The following SP140 variants were observed in gnomAD, a reference collection of about 807,000 sequenced individuals.
SP140 encodes the protein nuclear body protein SP140.
A neutral mutation model predicts 125.0 loss-of-function variants in SP140; 81 were observed. That is an observed-to-expected ratio of 0.65 (90% CI 0.54 to 0.78). The LOEUF (loss-of-function observed/expected upper bound fraction) is 0.78. Ranked by LOEUF, SP140 falls within the 30% of genes least tolerant of loss-of-function variation. The pLI, the probability that SP140 is intolerant of heterozygous loss-of-function variation, is 0.00. For synonymous variants in SP140, 312 were observed against 354.0 expected (o/e 0.88, Z 1.33); for missense variants, 858 against 1,037.0 (o/e 0.83, Z 2.37).
At position 230,312,776 on chromosome 2, in the gene SP140, A is replaced by C. The variant is rs566352416; in HGVS notation, c.*92A>C. 2.2e-5 allele frequency: 20 copies of C among 891,340 alleles called. No individual in the cohort carries two copies. The East Asian group carries it at 5.1e-4, about 23-fold the overall frequency. The allele number at this position is 891,340 out of a possible 1,614,324, so 55.2% of individuals were successfully genotyped here. ...GACTTCAAAATGAGGTCACTTGGGC[A>C]CAGCACATGCAGGGAGGGGCTTTTC... On this transcript the variant is annotated 3_prime_UTR_variant, in exon 27 of 27. Coordinates refer to ENST00000392045, the MANE Select transcript of SP140 (RefSeq NM_007237.5).
the SP140 span, among the ~76,000 whole-genome samples, chr2:230,194,568 T>C: frequency 3.3e-5 from 5 of 152,316 alleles, no homozygotes; most frequent in South Asian, 1.0e-3. Context: ...GCAGCTTTTT[T>C]GTTTCTTATT....
intron 1 of SP140, among the ~76,000 whole-genome samples, chr2:230,234,261 AC>A (rs371434915): frequency 1.3e-5 from 2 of 152,274 alleles, no homozygotes; most frequent in East Asian, 3.9e-4. Context: ...AGGAGCAGCC[AC>A]CCCATCTGAA....
upstream of SP140, among the ~76,000 whole-genome samples, chr2:230,199,150 T>TATTA (rs1168283866): frequency 2.0e-5 from 2 of 98,670 alleles, no homozygotes; most frequent in African/African-American, 1.2e-4. Flanking sequence ...TTATTATTAT[T>TATTA]TTTTTTTTTT....
intron 22 of SP140, among the ~76,000 whole-genome samples, chr2:230,306,196 C>G (rs1217732982): frequency 1.3e-5 from 2 of 152,202 alleles, no homozygotes; most frequent in Non-Finnish European, 2.9e-5. Flanking sequence ...AGGACCTGCT[C>G]TCAGGCCCAG....
intron 1 of SP140, among the ~76,000 whole-genome samples, chr2:230,210,733 T>G (rs1299977062): frequency 6.6e-6 from 1 of 152,208 alleles, no homozygotes; most frequent in African/African-American, 2.4e-5. Flanking sequence ...AGCTGTCACC[T>G]TTTTCTTTAC....
intron 3 of SP140, among the ~76,000 whole-genome samples, chr2:230,218,665 A>C (rs2045500640): frequency 2.0e-5 from 3 of 152,224 alleles, no homozygotes; most frequent in Non-Finnish European, 4.4e-5. Flanking sequence ...AGGGAGGCAC[A>C]GAGAGGTTTA....
Position 230,247,922 on chromosome 2 carries a change from A to G in SP140, c.749A>G (p.Glu250Gly). The G allele has an allele frequency of 6.2e-7, 1 of 1,612,994 alleles. No individual in the cohort carries two copies. Residue 250 changes from glutamate (E) to glycine (G), a missense_variant, in exon 8 of 27, where the codon GAA becomes GGA. Glu to Gly is a moderately conservative substitution (Grantham distance 98). Coordinates refer to ENST00000392045, the MANE Select transcript of SP140 (RefSeq NM_007237.5). The stretch of plus-strand genomic sequence containing the variant: ...TGCCTTTTTTGATCCCTAGTTCTAG[A>G]AAGCAACGGGATGATAGATGCGGCA... ...KLLPYDTEVL[E>G]SNGMIDAART...
chr2:230,315,123 G>A (rs2059475784), downstream of SP140, among the ~76,000 whole-genome samples: 1 of 152,172 alleles, frequency 6.6e-6, no homozygotes, highest in African/African-American at 2.4e-5. Context: ...AAAAAGATTG[G>A]ACATCAATGA....
At chr2:230,198,367 T>C (rs2042974179), upstream of SP140, among the ~76,000 whole-genome samples, 1 of 152,142 alleles carries the variant, frequency 6.6e-6, no homozygotes, top group Admixed American at 6.5e-5. Flanking sequence ...TCCAAGTGTC[T>C]GGGAAGGGGA....
intron 4 of SP140, among the ~76,000 whole-genome samples, chr2:230,243,268 A>G (rs2048964115): frequency 6.6e-6 from 1 of 152,198 alleles, no homozygotes; most frequent in Non-Finnish European, 1.5e-5. Context: ...CCTACTTAGA[A>G]TATATGATCA....
chr2:230,297,286 G>T lies in SP140; in HGVS notation c.2017-135G>T, dbSNP rs761223720. Reference sequence around the variant, plus strand: ...CCACTGGAGCCACCCCAGCCTACTGGCCTTCTCTCTTCCCAATTATTTTTT... The same window carrying T: ...CCACTGGAGCCACCCCAGCCTACTGTCCTTCTCTCTTCCCAATTATTTTTT... On this transcript the variant is annotated intron_variant, in intron 21 of 26. Coordinates refer to ENST00000392045, the MANE Select transcript of SP140 (RefSeq NM_007237.5). 8.8e-6 allele frequency: 9 copies of T among 1,018,114 alleles called. No individual in the cohort carries two copies. The South Asian group carries it at 1.0e-4, about 11-fold the overall frequency. 63.1% of individuals were successfully genotyped at this position (1,018,114 alleles called of 1,614,324 possible). A position where few individuals can be genotyped will look rare whatever the true frequency, so the allele number is the denominator to read the frequency against.
chr2:230,186,946 A>C, the SP140 span, among the ~76,000 whole-genome samples: 1 of 152,164 alleles, frequency 6.6e-6, no homozygotes, highest in Non-Finnish European at 1.5e-5. Flanking sequence ...ACAATTGTGA[A>C]TTATGCAGCA....
At position 230,208,895 on chromosome 2, in the gene SP140, A is replaced by G. The variant is rs538960098; in HGVS notation, c.-322-4759A>G. ...AAGATAATGGCAATAGATTACTGAA[A>G]TGATGAATCTTGGACTGTGAGTTAG... On this transcript the variant is annotated intron_variant, in intron 1 of 4. Coordinates refer to the SP140 transcript ENST00000456542. 3.3e-5 allele frequency among the ~76,000 whole-genome samples: 5 copies of G among 152,326 alleles called. No homozygotes were observed. In the East Asian group the frequency reaches 9.6e-4, roughly 29 times the overall value.
intron 12 of SP140, among the ~76,000 whole-genome samples, chr2:230,260,830 T>C (rs1381836366): frequency 2.0e-5 from 3 of 152,242 alleles, no homozygotes; most frequent in Admixed American, 2.0e-4. Flanking sequence ...CCACTCTGTT[T>C]TGGTGACTAT....
chr2:230,314,574 T>A (rs1355671273), downstream of SP140, among the ~76,000 whole-genome samples: 2 of 152,180 alleles, frequency 1.3e-5, no homozygotes, highest in African/African-American at 2.4e-5. Flanking sequence ...CCTAGAGACT[T>A]AGTATAAGCC....
chr2:230,208,343 G>C (rs1270228805), intron 1 of SP140, among the ~76,000 whole-genome samples: 4 of 152,146 alleles, frequency 2.6e-5, no homozygotes, highest in African/African-American at 9.7e-5. Flanking sequence ...AGTGAGATGA[G>C]AATCAAGAAA....
At chr2:230,264,036 G>C (rs538040620) in intron 12 of SP140, among the ~76,000 whole-genome samples, 1 of 152,128 alleles carries the variant, frequency 6.6e-6, no homozygotes, top group Admixed American at 6.5e-5. Context: ...GGCCAGGGAA[G>C]TTTTCTTTGA....
chr2:230,284,327 T>C lies in SP140; in HGVS notation c.1499-19T>C. The C allele has an allele frequency of 1.3e-6, 2 of 1,595,870 alleles. No individual in the cohort carries two copies. The highest frequency in any genetic ancestry group is 1.1e-5 in the South Asian group (1 of 88,756). Reference sequence around the variant, plus strand: ...ATTTATACCTCTGCATAATTAACTTTATTCTCTTTGGTTTGAAGGAAAAAA... The same window carrying C: ...ATTTATACCTCTGCATAATTAACTTCATTCTCTTTGGTTTGAAGGAAAAAA... On this transcript the variant is annotated intron_variant, in intron 15 of 26. Transcript: ENST00000392045.
the SP140 span, among the ~76,000 whole-genome samples, chr2:230,190,448 G>A: frequency 2.0e-5 from 3 of 150,792 alleles, no homozygotes; most frequent in Admixed American, 6.6e-5. Context: ...TGTAAATTCT[G>A]GATATTAAAC....
Sources: allele counts gnomAD v4.1 joint callset (sites outside exome capture counted in the v4.1 genomes callset), GRCh38; gene constraint gnomAD v4.1.1; transcripts MANE v1.5; gene names NCBI Gene and HGNC (gene_info 2026-07-23, HGNC 2026-07-21).